The following CCNK variants were observed in gnomAD, a reference collection of about 807,000 sequenced individuals.
The protein encoded by CCNK is cyclin K.
In CCNK, 9 loss-of-function variants were observed where a neutral mutation model predicts 65.0. The observed-to-expected ratio is 0.14, with a 90% CI of 0.08 to 0.24. CCNK has a LOEUF of 0.24. Among genes scored for constraint, CCNK ranks in the 10% least tolerant of loss-of-function variants. The pLI, the probability that CCNK is intolerant of heterozygous loss-of-function variation, is 1.00. For synonymous variants in CCNK, 279 were observed against 270.8 expected, an observed-to-expected ratio of 1.03 and a Z score of -0.30; for missense variants, 474 against 720.0, an observed-to-expected ratio of 0.66 and a Z score of 3.91.
At chr14:99,491,003 A>G (rs1896586808) in intron 1 of CCNK, among the ~76,000 whole-genome samples, 1 of 151,530 alleles carries the variant, frequency 6.6e-6, no homozygotes, top group African/African-American at 2.4e-5. Flanking sequence ...TGTGTACACT[A>G]TCCTATACCT....
intron 9 of CCNK, 141 bp downstream of exon 9, chr14:99,503,785 A>C (rs1896902812): frequency 1.5e-6 from 1 of 676,928 alleles, no homozygotes; most frequent in East Asian, 2.7e-5. Flanking sequence ...TTCCATCAGC[A>C]TTGTCTTTCT....
chr14:99,507,116 T>C lies in CCNK; in HGVS notation c.1086T>C (p.His362=), dbSNP rs1161844125. The C allele has an allele frequency of 1.9e-6, 3 of 1,612,300 alleles. No individual in the cohort carries two copies. The highest frequency in any genetic ancestry group is 2.5e-6 in the Non-Finnish European group (3 of 1,178,522). Residue 362 remains histidine, a synonymous_variant, in exon 10 of 11, where the codon CAT becomes CAC. Transcript: ENST00000389879. ...PPKIPKIETT[H]PPLPPAHPPP... ...AAATCCCCAAAATTGAGACCACTCA[T>C]CCACCGTTGCCTCCAGCCCACCCAC...
intron 9 of CCNK, chr14:99,506,271 A>G (rs2139879179): frequency 6.6e-6 from 1 of 152,414 alleles, no homozygotes; most frequent in African/African-American, 2.4e-5. Flanking sequence ...GTGGTGTACA[A>G]GCCAGAAGAA....
At chr14:99,483,348 A>G (rs565352834) in intron 1 of CCNK, among the ~76,000 whole-genome samples, 2 of 152,266 alleles carry the variant, frequency 1.3e-5, no homozygotes, top group South Asian at 4.1e-4. Context: ...CAGGAGTTCA[A>G]GACCATCCTG....
intron 1 of CCNK, 47 bp downstream of exon 1, chr14:99,481,526 T>C: frequency 2.5e-6 from 1 of 398,612 alleles, no homozygotes. Flanking sequence ...CTCCCGCGTA[T>C]CTGGAGGTCG....
Position 99,503,634 on chromosome 14 carries a change from C to T in CCNK, c.1035C>T (p.Asn345=). Residue 345 remains asparagine (N), a synonymous_variant, in exon 9 of 11, where the codon AAC becomes AAT. Coordinates refer to ENST00000389879, the MANE Select transcript of CCNK (RefSeq NM_001099402.2). ...RAVVVSPKEE[N]KAAEPPPPKI... is the part of the protein sequence containing the mutation. ...AGGTTGTTTCTCCCAAAGAAGAGAA[C>T]AAAGCAGCAGGTAATTTCCTGTTCT... 6.4e-7 allele frequency: 1 copy of T among 1,560,184 alleles called. No homozygotes were observed. The highest frequency in any genetic ancestry group is 8.7e-7 in the Non-Finnish European group (1 of 1,150,028).
At chr14:99,488,501 T>G (rs944140968) in intron 1 of CCNK, among the ~76,000 whole-genome samples, 15 of 152,228 alleles carry the variant, frequency 9.9e-5, no homozygotes. Context: ...CAGTATTTAT[T>G]GTAAACTGGA....
At chr14:99,484,621 GCC>G (rs1896437899) in intron 1 of CCNK, among the ~76,000 whole-genome samples, 1 of 152,204 alleles carries the variant, frequency 6.6e-6, no homozygotes. Flanking sequence ...ATTATTTTAT[GCC>G]ATCTGTGTAG....
rs1896849126 is a variant in CCNK at position 99,502,206 on chromosome 14, GTC to G, written c.579_580del (p.Cys194HisfsTer27). On this transcript the variant is annotated frameshift_variant and splice_region_variant, in exon 7 of 11. Transcript: ENST00000389879. LOFTEE classifies it high-confidence loss of function. The stretch of plus-strand genomic sequence containing the variant: ...AACCTTTTTTTTTCTTGTTGAACTA[GTC>G]TCTGCACCACCTTGTCACTGCAGTG... 6.3e-7 allele frequency: 1 copy of G among 1,579,852 alleles called. No individual in the cohort carries two copies. Among genetic ancestry groups the G allele is most frequent in the Non-Finnish European group, 8.6e-7 (1 of 1,162,442 alleles).
intron 9 of CCNK, chr14:99,504,051 C>T (rs1452049481): frequency 5.3e-6 from 2 of 374,772 alleles, no homozygotes; most frequent in South Asian, 1.9e-5. Flanking sequence ...AGCACCAGCC[C>T]GGCCCAGCCC....
chr14:99,503,032 C>T (rs972801325), intron 8 of CCNK, 48 bp downstream of exon 8: 11 of 1,588,442 alleles, frequency 6.9e-6, no homozygotes, highest in African/African-American at 2.7e-5. Context: ...TTCCAGGTGG[C>T]GGCAACACCT....
At chr14:99,488,778 C>T (rs1346178646) in intron 1 of CCNK, among the ~76,000 whole-genome samples, 1 of 152,096 alleles carries the variant, frequency 6.6e-6, no homozygotes, top group Non-Finnish European at 1.5e-5. Flanking sequence ...AAGTATTATT[C>T]TCTATATGTA....
At chr14:99,505,128 G>T (rs1432674055) in intron 9 of CCNK, 1 of 152,358 alleles carries the variant, frequency 6.6e-6, no homozygotes, top group African/African-American at 2.4e-5. Context: ...AGCCATTGGA[G>T]ATTTAGCAGG....
chr14:99,485,569 T>G (rs186182831), intron 1 of CCNK, among the ~76,000 whole-genome samples: 54 of 152,370 alleles, frequency 3.5e-4, no homozygotes, highest in African/African-American at 1.3e-3. Flanking sequence ...AGTGATTCCT[T>G]TTTGTTTTTA....
chr14:99,493,374 C>T, intron 2 of CCNK, 140 bp from the exon 3 acceptor site: 1 of 555,212 alleles, frequency 1.8e-6, no homozygotes, highest in East Asian at 2.9e-5. Flanking sequence ...CCCTGAGATT[C>T]CCATCTCATT....
intron 1 of CCNK, among the ~76,000 whole-genome samples, chr14:99,490,886 C>T (rs898079252): frequency 6.6e-6 from 1 of 151,240 alleles, no homozygotes; most frequent in African/African-American, 2.4e-5. Context: ...CGAGATCATG[C>T]CACTGGCACT....
At chr14:99,492,959 TAGTA>T in intron 2 of CCNK, 85 bp downstream of exon 2, 2 of 1,116,552 alleles carry the variant, frequency 1.8e-6, no homozygotes, top group Non-Finnish European at 2.5e-6. Flanking sequence ...ACAAAATATA[TAGTA>T]ATTTCTCTGT....
chr14:99,496,748 A>C (rs1313162188), intron 4 of CCNK, among the ~76,000 whole-genome samples: 1 of 151,368 alleles, frequency 6.6e-6, no homozygotes, highest in African/African-American at 2.4e-5. Context: ...TTAAAAAAAA[A>C]AAACCTTTAT....
intron 3 of CCNK, chr14:99,494,708 T>A (rs559674083): frequency 6.6e-6 from 1 of 152,274 alleles, no homozygotes; most frequent in Non-Finnish European, 1.5e-5. Flanking sequence ...GGACAGTTTC[T>A]TCATCCATTC....
Sources: allele counts gnomAD v4.1 joint callset (sites outside exome capture counted in the v4.1 genomes callset), GRCh38; gene constraint gnomAD v4.1.1; transcripts MANE v1.5; gene names NCBI Gene and HGNC (gene_info 2026-07-23, HGNC 2026-07-21).